The following PICALM variants were observed in gnomAD, a reference collection of about 807,000 sequenced individuals.
PICALM encodes the protein phosphatidylinositol-binding clathrin assembly protein.
A neutral mutation model predicts 80.5 loss-of-function variants in PICALM; 40 were observed. That is an observed-to-expected ratio of 0.50 (90% CI 0.39 to 0.65). The LOEUF is 0.65. Ranked by LOEUF, PICALM falls within the 30% of genes least tolerant of loss-of-function variation. PICALM has a pLI of 0.00. For synonymous variants in PICALM, 288 were observed against 260.3 expected, an observed-to-expected ratio of 1.11 and a Z score of -1.02; for missense variants, 676 against 778.9, an observed-to-expected ratio of 0.87 and a Z score of 1.57.
intron 7 of PICALM, among the ~76,000 whole-genome samples, chr11:86,010,785 T>C (rs569793142): frequency 6.6e-6 from 1 of 152,370 alleles, no homozygotes; most frequent in Non-Finnish European, 1.5e-5. Context: ...CTTAATTTTA[T>C]AGAGAAGTAA....
chr11:86,029,012 A>AT (rs1202184011), intron 2 of PICALM, among the ~76,000 whole-genome samples: 2 of 151,116 alleles, frequency 1.3e-5, no homozygotes, highest in African/African-American at 4.9e-5. Flanking sequence ...TAATTTTTGT[A>AT]TTTTTTACTA....
intron 14 of PICALM, chr11:85,982,251 A>T: frequency 2.6e-6 from 1 of 391,638 alleles, no homozygotes. Flanking sequence ...TTAGGGTTAA[A>T]GGGGATAAGA....
intron 13 of PICALM, 24 bp from the exon 14 acceptor site, chr11:85,983,997 A>G: frequency 9.3e-7 from 1 of 1,072,844 alleles, no homozygotes; most frequent in Non-Finnish European, 1.4e-6. Flanking sequence ...AATGGAAAAA[A>G]GCTCAATTAT....
chr11:85,966,969 A>C (rs1592325923), intron 19 of PICALM, among the ~76,000 whole-genome samples: 2 of 152,198 alleles, frequency 1.3e-5, no homozygotes, highest in African/African-American at 2.4e-5. Flanking sequence ...TTCTGTTTTA[A>C]TTTCTGTTTT....
intron 1 of PICALM, among the ~76,000 whole-genome samples, chr11:86,035,948 A>AG (rs2095835666): frequency 1.1e-5 from 1 of 92,860 alleles, no homozygotes; most frequent in African/African-American, 3.9e-5. Context: ...ACTCTGCCTC[A>AG]AAAAAAAAAA....
intron 18 of PICALM, among the ~76,000 whole-genome samples, chr11:85,975,417 A>G (rs1191023388): frequency 6.6e-6 from 1 of 152,154 alleles, no homozygotes; most frequent in Non-Finnish European, 1.5e-5. Flanking sequence ...TATAAAATTA[A>G]CCTAGTAAGT....
intron 4 of PICALM, among the ~76,000 whole-genome samples, chr11:86,016,452 C>G (rs1592949638): frequency 6.6e-6 from 1 of 152,210 alleles, no homozygotes; most frequent in African/African-American, 2.4e-5. Context: ...CCACCACTAC[C>G]CACATTGATC....
chr11:85,988,043 T>A (rs76280881), intron 13 of PICALM, among the ~76,000 whole-genome samples: 1 of 152,238 alleles, frequency 6.6e-6, no homozygotes, highest in Admixed American at 6.5e-5. Flanking sequence ...GTCCAATTCT[T>A]GTAATCAAGA....
rs2095131059 is a variant in PICALM at position 86,001,145 on chromosome 11, A to C, written c.907T>G (p.Ser303Ala). ...CTTGCCAGGGAAGACACTGCATTGG[A>C]AAGTGTAGTTGCCCTAGGATAATTG... ...STAASRATTL[S>A]NAVSSLASTG... Residue 303 changes from serine to alanine, a missense_variant, in exon 10 of 20, where the codon TCC becomes GCC. Physicochemically the swap from Ser to Ala is moderately conservative, Grantham distance 99. Transcript: ENST00000393346. 1 of 1,613,708 alleles carries C rather than the reference A, an allele frequency of 6.2e-7. No individual in the cohort carries two copies. Among genetic ancestry groups the C allele is most frequent in the Non-Finnish European group, 8.5e-7 (1 of 1,179,850 alleles).
intron 1 of PICALM, among the ~76,000 whole-genome samples, chr11:86,040,210 G>C (rs1222480744): frequency 2.6e-5 from 4 of 151,926 alleles, no homozygotes; most frequent in Admixed American, 2.6e-4. Flanking sequence ...CTTTAAAAAA[G>C]GGGCTGTGGA....
Position 85,996,946 on chromosome 11 carries a change from G to C in PICALM, c.1155-17C>G. On this transcript the variant is annotated splice_polypyrimidine_tract_variant and intron_variant, in intron 11 of 19. Coordinates refer to ENST00000393346, the MANE Select transcript of PICALM (RefSeq NM_007166.4). ...TTTGATGTGCTAGAAAGATATTTTG[G>C]AAACGTGTTTTATTTACCAGAAAAA... is the stretch of plus-strand genomic sequence containing the variant. 6.4e-7 allele frequency: 1 copy of C among 1,569,466 alleles called. No homozygotes were observed. The highest frequency in any genetic ancestry group is 8.7e-7 in the Non-Finnish European group (1 of 1,143,498).
At position 85,997,972 on chromosome 11, in the gene PICALM, G is replaced by C. The variant is rs184999688; in HGVS notation, c.1155-1043C>G. ...TAATTTTTGTCCTTTAGTAGAGACA[G>C]GGTTTCACCACACTGCCCAGGCTGG... On this transcript the variant is annotated intron_variant, in intron 11 of 19. Coordinates refer to ENST00000393346, the MANE Select transcript of PICALM (RefSeq NM_007166.4). Among the ~76,000 whole-genome samples the C allele has an allele frequency of 1.6e-4, 24 of 152,090 alleles. No individual in the cohort carries two copies. The East Asian group carries it at 4.3e-3, about 27-fold the overall frequency.
chr11:85,978,176 A>G, intron 17 of PICALM: 2 of 1,165,202 alleles, frequency 1.7e-6, no homozygotes, highest in Non-Finnish European at 2.6e-6. Context: ...ATACACAGAG[A>G]GCATTTTAGT....
chr11:86,023,999 GT>G, intron 3 of PICALM, among the ~76,000 whole-genome samples: 1 of 152,114 alleles, frequency 6.6e-6, no homozygotes, highest in Non-Finnish European at 1.5e-5. Flanking sequence ...AGGCGTGGTG[GT>G]GCACATCTGT....
intron 1 of PICALM, among the ~76,000 whole-genome samples, chr11:86,066,933 T>A (rs1020549712): frequency 1.3e-5 from 2 of 152,206 alleles, no homozygotes; most frequent in Non-Finnish European, 2.9e-5. Context: ...TTTAAAAAGT[T>A]TTCTGTTCAT....
chr11:85,969,798 C>A, intron 19 of PICALM: 1 of 187,308 alleles, frequency 5.3e-6, no homozygotes, highest in Non-Finnish European at 1.1e-5. Flanking sequence ...GTATTACAGA[C>A]ATGAGCCACT....
At chr11:86,026,883 C>T (rs1192993531) in intron 2 of PICALM, among the ~76,000 whole-genome samples, 1 of 152,198 alleles carries the variant, frequency 6.6e-6, no homozygotes, top group Non-Finnish European at 1.5e-5. Context: ...TCTCCCTTCC[C>T]TCCCTCTTCA....
intron 11 of PICALM, among the ~76,000 whole-genome samples, chr11:85,998,623 C>G (rs547807): frequency 6.6e-6 from 1 of 151,660 alleles, no homozygotes; most frequent in South Asian, 2.1e-4. Flanking sequence ...CGAAAAAATA[C>G]GAAAAATAGT....
At chr11:86,062,083 A>G (rs972348748) in intron 1 of PICALM, among the ~76,000 whole-genome samples, 2 of 152,204 alleles carry the variant, frequency 1.3e-5, no homozygotes, top group African/African-American at 4.8e-5. Flanking sequence ...TTAACAAAAA[A>G]TAGTGGTTGC....
Sources: gnomAD v4.1 joint callset for allele counts (sites outside exome capture counted in the v4.1 genomes callset) on GRCh38, gnomAD v4.1.1 for gene constraint, MANE v1.5 for transcripts, NCBI Gene and HGNC (gene_info 2026-07-23, HGNC 2026-07-21) for gene names.